BSDC1: variants seen among roughly 807,000 people sequenced by gnomAD.
BSDC1 encodes BSD domain-containing protein 1.
Under a neutral mutation model 56.0 loss-of-function variants are expected in BSDC1, and 29 were observed. The observed-to-expected ratio is 0.52, with a 90% CI of 0.39 to 0.71. BSDC1 has a LOEUF of 0.71. BSDC1 is among the 30% of genes least tolerant of loss of function. BSDC1 has a pLI of 0.00. For missense variants in BSDC1, 477 were observed against 548.5 expected (o/e 0.87, Z 1.30); for synonymous variants, 210 against 215.3 (o/e 0.98, Z 0.21).
chr1:32,373,844 T>C (rs1195732264), intron 9 of BSDC1, among the ~76,000 whole-genome samples: 3 of 152,200 alleles, frequency 2.0e-5, no homozygotes, highest in Admixed American at 2.0e-4. Flanking sequence ...TTTCATCAAC[T>C]GATTTTACCT....
At chr1:32,368,289 T>C in intron 10 of BSDC1, 158 bp downstream of exon 10, 1 of 1,575,172 alleles carries the variant, frequency 6.3e-7, no homozygotes, top group Non-Finnish European at 8.6e-7. Context: ...ATGACCAATG[T>C]TGTGGGTCTG....
At position 32,392,985 on chromosome 1, in the gene BSDC1, A is replaced by G. The variant is rs142690821; in HGVS notation, c.72+1095T>C. 2.7e-3 allele frequency among the ~76,000 whole-genome samples: 409 copies of G among 152,332 alleles called. 2 individuals are homozygous for G. Among genetic ancestry groups the G allele is most frequent in the African/African-American group, 9.6e-3 (399 of 41,570 alleles). On this transcript the variant is annotated intron_variant, in intron 2 of 10. Transcript: ENST00000455895. ...AGGCTGAGGCACAAGAATCACTTCA[A>G]TCTGGGAGGCAGAGGTTGCAGCGAG...
At chr1:32,377,733 G>C (rs566823143) in intron 8 of BSDC1, among the ~76,000 whole-genome samples, 4 of 152,168 alleles carry the variant, frequency 2.6e-5, no homozygotes, top group Non-Finnish European at 5.9e-5. Context: ...CTGGTTCATG[G>C]GCTGGCAGGG....
Position 32,366,624 on chromosome 1 carries a change from A to ACTCCCAGTC in BSDC1, c.1282_1290dup (p.Asp428_Glu430dup). ...GGGAGCTGCTCCCTCTGGCTCCCTC[A>ACTCCCAGTC]CTCCCAGTCCTCCCACTCTACATCT... On this transcript the variant is annotated inframe_insertion, in exon 11 of 11. Coordinates refer to ENST00000455895, the MANE Select transcript of BSDC1 (RefSeq NM_018045.8). 6.7e-7 allele frequency: 1 copy of ACTCCCAGTC among 1,492,970 alleles called. No homozygotes were observed. Among genetic ancestry groups the ACTCCCAGTC allele is most frequent in the Non-Finnish European group, 9.0e-7 (1 of 1,117,316 alleles). 92.5% of individuals were successfully genotyped at this position (1,492,970 alleles called of 1,614,324 possible).
chr1:32,367,213 C>T, intron 10 of BSDC1: 2 of 985,540 alleles, frequency 2.0e-6, no homozygotes, highest in Non-Finnish European at 2.4e-6. Flanking sequence ...TCAAGTCTCC[C>T]CACGGAACGT....
intron 2 of BSDC1, among the ~76,000 whole-genome samples, chr1:32,389,562 G>A (rs935068833): frequency 1.1e-4 from 16 of 152,154 alleles, no homozygotes; most frequent in African/African-American, 3.9e-4. Flanking sequence ...ATGTGCAAGG[G>A]CAGAGCAGTA....
intron 5 of BSDC1, 133 bp downstream of exon 5, chr1:32,381,081 C>T: frequency 1.3e-6 from 1 of 788,956 alleles, no homozygotes. Flanking sequence ...GTATAAGGTA[C>T]ACACTAGTCT....
At chr1:32,382,867 CAA>C (rs760141230) in intron 4 of BSDC1, among the ~76,000 whole-genome samples, 1,041 of 47,002 alleles carry the variant, frequency 0.022, 7 homozygotes, top group African/African-American at 0.071. Flanking sequence ...GAGACCGTCT[CAA>C]AAAAAAAAAA....
intron 1 of BSDC1, 23 bp downstream of exon 1, chr1:32,394,381 T>A (rs1295751881): frequency 6.2e-7 from 1 of 1,613,778 alleles, no homozygotes; most frequent in East Asian, 2.2e-5. Flanking sequence ...CCCCAACGCC[T>A]AGGAGCAAAA....
chr1:32,368,522 C>G lies in BSDC1; in HGVS notation c.1185G>C (p.Trp395Cys). The part of the protein sequence containing the change: ...KGSSTDISED[W>C]EKDFDLDMTE... ...TCATGTCCAAGTCAAAGTCTTTCTC[C>G]CAGTCCTCACTGATGTCCGTGCTTG... Residue 395 changes from tryptophan (W) to cysteine (C), a missense_variant, in exon 10 of 11, where the codon TGG (tryptophan) becomes TGC (cysteine). Transcript: ENST00000455895. 1 of 1,614,158 alleles carries G rather than the reference C, an allele frequency of 6.2e-7. No individual in the cohort carries two copies. The highest frequency in any genetic ancestry group is 8.5e-7 in the Non-Finnish European group (1 of 1,180,030).
At chr1:32,387,134 G>A (rs560736458) in intron 2 of BSDC1, among the ~76,000 whole-genome samples, 25 of 152,290 alleles carry the variant, frequency 1.6e-4, no homozygotes, top group Middle Eastern at 3.4e-3. Context: ...CTAGGCACTC[G>A]CAAGCTATGT....
At chr1:32,382,734 G>A (rs1439194077) in intron 4 of BSDC1, among the ~76,000 whole-genome samples, 8 of 149,834 alleles carry the variant, frequency 5.3e-5, no homozygotes, top group Non-Finnish European at 1.2e-4. Context: ...GGTGGTGCAC[G>A]CCTGTGGTCC....
chr1:32,394,248 C>G (rs1184572007), intron 1 of BSDC1, 108 bp from the exon 2 acceptor site: 2 of 1,555,746 alleles, frequency 1.3e-6, no homozygotes, highest in Non-Finnish European at 1.8e-6. Flanking sequence ...GCTTCGCAGA[C>G]CGCTTGCCCA....
intron 10 of BSDC1, chr1:32,367,587 A>G (rs370688377): frequency 2.7e-4 from 264 of 985,474 alleles, no homozygotes; most frequent in Admixed American, 1.3e-3. Context: ...TAACGCTGAC[A>G]TGAATCAGAT....
Position 32,381,275 on chromosome 1 carries a change from G to A in BSDC1, c.358-7C>T. 6.2e-7 allele frequency: 1 copy of A among 1,613,430 alleles called. No homozygotes were observed. Among genetic ancestry groups the A allele is most frequent in the Non-Finnish European group, 8.5e-7 (1 of 1,179,634 alleles). ...GCAGGCTATAGAGGCGAGCCTGTAA[G>A]AAAAGGAGAAGAGGAAAACAGAAAT... is the stretch of plus-strand genomic sequence containing the variant. On this transcript the variant is annotated splice_polypyrimidine_tract_variant and splice_region_variant and intron_variant, in intron 4 of 10. Coordinates refer to ENST00000455895, the MANE Select transcript of BSDC1 (RefSeq NM_018045.8).
Position 32,383,961 on chromosome 1 carries a change from T to C in BSDC1, c.226A>G (p.Lys76Glu). The change falls in exon 4 of 11, where the codon AAA becomes GAA. Residue 76 changes from lysine (K) to glutamate (E), a missense_variant. Physicochemically the swap from Lys to Glu is moderately conservative, Grantham distance 56. Coordinates refer to ENST00000455895, the MANE Select transcript of BSDC1 (RefSeq NM_018045.8). ...GSSGATEKMK[K>E]GLSDFLGVIS... ...ACCCCTAGGAAGTCAGATAACCCTT[T>C]CTTCATCTTCTCTGTTGCTCCTGAG... The C allele has an allele frequency of 6.2e-7, 1 of 1,613,158 alleles. No homozygotes were observed. The highest frequency in any genetic ancestry group is 8.5e-7 in the Non-Finnish European group (1 of 1,180,032).
intron 4 of BSDC1, among the ~76,000 whole-genome samples, chr1:32,382,134 G>C (rs1171603985): frequency 6.6e-6 from 1 of 151,906 alleles, no homozygotes; most frequent in Non-Finnish European, 1.5e-5. Context: ...TGCTGAGGCA[G>C]GAGAATCGCT....
intron 2 of BSDC1, among the ~76,000 whole-genome samples, chr1:32,392,536 C>T (rs1014854003): frequency 6.6e-6 from 1 of 151,878 alleles, no homozygotes; most frequent in African/African-American, 2.4e-5. Context: ...ATAAGACCAA[C>T]CTTGAGACAA....
chr1:32,378,618 G>T lies in BSDC1; in HGVS notation c.528+106C>A. On this transcript the variant is annotated intron_variant, in intron 6 of 10. Coordinates refer to ENST00000455895, the MANE Select transcript of BSDC1 (RefSeq NM_018045.8). The surrounding 1 kb of genome is among the most constrained non-coding windows in gnomAD (Gnocchi z 5.2). The stretch of plus-strand genomic sequence containing the variant: ...TGGTCTGGCTCTATGGAGCCTCCCA[G>T]TGCTCTCCGGGCCAGATGACTCTGC... 1 of 819,152 alleles carries T rather than the reference G, an allele frequency of 1.2e-6. No individual in the cohort carries two copies. Among genetic ancestry groups the T allele is most frequent in the Non-Finnish European group, 1.9e-6 (1 of 530,142 alleles). 50.7% of individuals were successfully genotyped at this position (819,152 alleles called of 1,614,324 possible).
Sources: gnomAD v4.1 joint callset for allele counts (sites outside exome capture counted in the v4.1 genomes callset) on GRCh38, gnomAD v4.1.1 for gene constraint, Gnocchi (gnomAD v3.1) non-coding constraint, MANE v1.5 for transcripts, NCBI Gene and HGNC (gene_info 2026-07-23, HGNC 2026-07-21) for gene names.